Variants in GLIS1 observed in about 807,000 individuals in gnomAD.
GLIS1 encodes zinc finger protein GLIS1.
Under a neutral mutation model 63.8 loss-of-function variants are expected in GLIS1, and 24 were observed. The ratio of observed to expected loss-of-function variants is 0.38; its 90% CI spans 0.27 to 0.53. GLIS1 has a LOEUF of 0.53. Among genes scored for constraint, GLIS1 ranks in the 20% least tolerant of loss-of-function variants. The pLI is 0.85. For missense variants in GLIS1, 1,036 were observed against 1,074.1 expected (o/e 0.96, Z 0.50); for synonymous variants, 450 against 482.5 (o/e 0.93, Z 0.88).
intron 2 of GLIS1, among the ~76,000 whole-genome samples, chr1:53,627,350 A>C (rs531509698): frequency 6.6e-6 from 1 of 152,132 alleles, no homozygotes; most frequent in Non-Finnish European, 1.5e-5. Flanking sequence ...TGGGCACCGG[A>C]CCGCTTCCCT....
At position 53,647,205 on chromosome 1, in the gene GLIS1, T is replaced by C. The variant is rs183374398; in HGVS notation, c.260-46927A>G. 3.3e-5 allele frequency among the ~76,000 whole-genome samples: 5 copies of C among 152,364 alleles called. No individual in the cohort carries two copies. The East Asian group carries it at 5.8e-4, about 18-fold the overall frequency. On this transcript the variant is annotated intron_variant, in intron 2 of 10. Transcript: ENST00000628545. ...AATCAAAATCCCAGCAGGTTCTTTT[T>C]GTCTGTGGAAATTACCAAGCTGGTT...
chr1:53,694,983 C>T (rs1047848478), intron 2 of GLIS1, among the ~76,000 whole-genome samples: 1 of 152,222 alleles, frequency 6.6e-6, no homozygotes, highest in African/African-American at 2.4e-5. Context: ...CTCACTACCT[C>T]CCCAGACACT....
In GLIS1 at chr1:53,594,891, G is replaced by T; in HGVS notation, c.537C>A (p.Ala179=). 1 of 1,541,302 alleles carries T rather than the reference G, an allele frequency of 6.5e-7. No individual in the cohort carries two copies. Among genetic ancestry groups the T allele is most frequent in the Non-Finnish European group, 8.7e-7 (1 of 1,151,840 alleles). The stretch of plus-strand genomic sequence containing the variant: ...GACAGTGGGCAGACAGGGATGTGCG[G>T]GCCTCTGCCATGGCTTGGTAGTCGG... The part of the protein sequence containing the change: ...SLPDYQAMAE[A]RTSLSAHCRG... Residue 179 remains alanine, a synonymous_variant, in exon 4 of 11, where the codon GCC becomes GCA. Transcript: ENST00000628545.
At chr1:53,565,349 T>G (rs954555437) in intron 4 of GLIS1, among the ~76,000 whole-genome samples, 4 of 151,600 alleles carry the variant, frequency 2.6e-5, no homozygotes, top group African/African-American at 9.7e-5. Flanking sequence ...GACAGCAAAA[T>G]AAACAAAATG....
At chr1:53,609,639 A>AT (rs1313450323) in intron 2 of GLIS1, among the ~76,000 whole-genome samples, 1 of 152,116 alleles carries the variant, frequency 6.6e-6, no homozygotes. Context: ...TTAATCAAGC[A>AT]TTTTTTATTA....
chr1:53,522,986 C>CTTTTTCTTTTTTTTTTTTT lies in GLIS1; in HGVS notation c.1593+1790_1593+1791insAAAAAAAAAAAAAGAAAAA, dbSNP rs760283252. Reference sequence around the variant, plus strand: ...AGTTTCTTTTTCTTTTCTTTTCTTTCTTTTTTTTTTTTTTTTTTTGAGACA... The same window carrying CTTTTTCTTTTTTTTTTTTT: ...AGTTTCTTTTTCTTTTCTTTTCTTTCTTTTTCTTTTTTTTTTTTTTTTTTTTTTTTTTTTTTTTGAGACA... On this transcript the variant is annotated intron_variant, in intron 6 of 10. Transcript: ENST00000628545. 3.9e-4 allele frequency among the ~76,000 whole-genome samples: 17 copies of CTTTTTCTTTTTTTTTTTTT among 43,686 alleles called. 2 individuals are homozygous for CTTTTTCTTTTTTTTTTTTT. Among genetic ancestry groups the CTTTTTCTTTTTTTTTTTTT allele is most frequent in the African/African-American group, 7.5e-4 (17 of 22,672 alleles). The allele number at this position is 43,686 out of a possible 152,430, so 28.7% of individuals were successfully genotyped here.
At chr1:53,630,361 C>G (rs1645638530) in intron 2 of GLIS1, among the ~76,000 whole-genome samples, 1 of 152,188 alleles carries the variant, frequency 6.6e-6, no homozygotes, top group Non-Finnish European at 1.5e-5. Context: ...CTTAGAAAAA[C>G]TTCCAAGGGG....
chr1:53,514,843 C>T (rs1644334613), intron 7 of GLIS1, 62 bp from the exon 8 acceptor site: 1 of 1,476,628 alleles, frequency 6.8e-7, no homozygotes, highest in Admixed American at 2.3e-5. Flanking sequence ...GTTGTGATGG[C>T]CCAGGAGCTG....
intron 2 of GLIS1, among the ~76,000 whole-genome samples, chr1:53,666,734 C>T (rs1175832625): frequency 6.6e-6 from 1 of 152,162 alleles, no homozygotes; most frequent in African/African-American, 2.4e-5. Flanking sequence ...ATGCACCTCA[C>T]ACCCTCTACT....
chr1:53,711,166 T>TCTA (rs1646642788), intron 2 of GLIS1, among the ~76,000 whole-genome samples: 1 of 152,066 alleles, frequency 6.6e-6, no homozygotes, highest in Non-Finnish European at 1.5e-5. Flanking sequence ...CTTCGGACCC[T>TCTA]CTACTTGAAC....
intron 2 of GLIS1, among the ~76,000 whole-genome samples, chr1:53,702,734 G>A (rs764625733): frequency 1.1e-4 from 16 of 149,804 alleles, no homozygotes; most frequent in Non-Finnish European, 2.1e-4. Flanking sequence ...GGTCTGCCTT[G>A]GGACCTCAGC....
chr1:53,703,677 T>C (rs926715092), intron 2 of GLIS1, among the ~76,000 whole-genome samples: 15 of 150,830 alleles, frequency 9.9e-5, no homozygotes, highest in Non-Finnish European at 1.8e-4. Context: ...AGTCCTTACT[T>C]TTCCAAATAG....
chr1:53,508,307 T>C (rs1391119410), intron 10 of GLIS1, among the ~76,000 whole-genome samples: 4 of 152,094 alleles, frequency 2.6e-5, no homozygotes, highest in Non-Finnish European at 5.9e-5. Flanking sequence ...ACCCACAGGG[T>C]GGTATGTGCC....
At chr1:53,595,490 G>C (rs1231837420) in intron 3 of GLIS1, among the ~76,000 whole-genome samples, 3 of 152,154 alleles carry the variant, frequency 2.0e-5, no homozygotes, top group Non-Finnish European at 4.4e-5. Flanking sequence ...ATGCACTCCA[G>C]GGTGAATGTG....
chr1:53,735,153 C>T (rs1289456141), intron 2 of GLIS1, among the ~76,000 whole-genome samples: 2 of 152,196 alleles, frequency 1.3e-5, no homozygotes, highest in Non-Finnish European at 2.9e-5. Context: ...TCTCTCCGGT[C>T]ACTGGGCAGC....
At chr1:53,517,873 CGAGTGTGTGAACTAGA>C (rs1644368309) in intron 7 of GLIS1, among the ~76,000 whole-genome samples, 1 of 152,176 alleles carries the variant, frequency 6.6e-6, no homozygotes, top group South Asian at 2.1e-4. Flanking sequence ...GGTGGGTGAC[CGAGTGTGTGAACTAGA>C]GATGCTGACC....
At chr1:53,633,415 T>TATGAGTGTGACTGAGGGGTGTGA (rs1383098584) in intron 2 of GLIS1, among the ~76,000 whole-genome samples, 4 of 142,988 alleles carry the variant, frequency 2.8e-5, no homozygotes, top group Non-Finnish European at 6.1e-5. Flanking sequence ...GGGGTGTGTG[T>TATGAGTGTGACTGAGGGGTGTGA]ATGAGTGTGA....
At position 53,709,561 on chromosome 1, in the gene GLIS1, T is replaced by C. The variant is rs1056603959; in HGVS notation, c.259+28245A>G. ...TGGGTTAGACAGCTGGGTTCATGAA[T>C]GGGTAAATGGGCAAATGGACAAGGA... is the stretch of plus-strand genomic sequence containing the variant. On this transcript the variant is annotated intron_variant, in intron 2 of 10. Transcript: ENST00000628545. 4.0e-5 allele frequency among the ~76,000 whole-genome samples: 6 copies of C among 151,474 alleles called. No homozygotes were observed. The East Asian group carries it at 9.7e-4, about 24-fold the overall frequency.
At chr1:53,694,108 C>T (rs546720471) in intron 2 of GLIS1, among the ~76,000 whole-genome samples, 2 of 152,332 alleles carry the variant, frequency 1.3e-5, no homozygotes, top group Admixed American at 6.5e-5. Flanking sequence ...TGGAGGGACA[C>T]TCTAGGGACT....
Sources: allele counts gnomAD v4.1 joint callset (sites outside exome capture counted in the v4.1 genomes callset), GRCh38; gene constraint gnomAD v4.1.1; transcripts MANE v1.5; gene names NCBI Gene and HGNC (gene_info 2026-07-23, HGNC 2026-07-21).